Variants in MARCHF3 observed in about 807,000 individuals in gnomAD.
MARCHF3 encodes E3 ubiquitin-protein ligase MARCHF3.
Under a neutral mutation model 24.2 loss-of-function variants are expected in MARCHF3, and 13 were observed. The observed-to-expected ratio is 0.54, with a 90% CI of 0.35 to 0.85. The LOEUF (loss-of-function observed/expected upper bound fraction) is 0.85. Among genes scored for constraint, MARCHF3 ranks in the 40% least tolerant of loss-of-function variants. MARCHF3 has a pLI of 0.01. For missense variants in MARCHF3, 276 were observed against 325.0 expected (o/e 0.85, Z 1.16); for synonymous variants, 144 against 137.3 (o/e 1.05, Z -0.34).
intron 1 of MARCHF3, among the ~76,000 whole-genome samples, chr5:126,928,081 T>G (rs1170119510): frequency 6.6e-6 from 1 of 152,194 alleles, no homozygotes; most frequent in African/African-American, 2.4e-5. Context: ...TCTAAGTACT[T>G]AATAAATACA....
intron 1 of MARCHF3, among the ~76,000 whole-genome samples, chr5:126,959,690 A>G (rs1750574658): frequency 6.6e-6 from 1 of 152,082 alleles, no homozygotes; most frequent in Non-Finnish European, 1.5e-5. Flanking sequence ...TATCTTAGCA[A>G]TTTTTTCCTG....
chr5:126,898,878 T>C (rs1190380291), intron 3 of MARCHF3: 26 of 982,800 alleles, frequency 2.6e-5, no homozygotes, highest in Non-Finnish European at 2.4e-5. Flanking sequence ...AAACATTTCA[T>C]TTTCTTCTTG....
chr5:126,981,734 C>G (rs1365015450), intron 1 of MARCHF3, among the ~76,000 whole-genome samples: 4 of 152,280 alleles, frequency 2.6e-5, no homozygotes, highest in Middle Eastern at 3.4e-3. Context: ...TTTTCTTAAA[C>G]AACAAAGGAA....
At chr5:126,972,044 C>T (rs1354540114) in intron 1 of MARCHF3, among the ~76,000 whole-genome samples, 1 of 152,146 alleles carries the variant, frequency 6.6e-6, no homozygotes. Context: ...AACTGCCAGA[C>T]TCCCTGGCTC....
At chr5:126,883,904 G>T (rs1336190869) in intron 3 of MARCHF3, among the ~76,000 whole-genome samples, 3 of 152,110 alleles carry the variant, frequency 2.0e-5, no homozygotes, top group African/African-American at 7.2e-5. Context: ...ACCATCACAA[G>T]AATGAAAGAA....
intron 3 of MARCHF3, among the ~76,000 whole-genome samples, chr5:126,891,911 C>T (rs1312304783): frequency 2.1e-5 from 3 of 143,018 alleles, no homozygotes; most frequent in African/African-American, 7.9e-5. Context: ...TTGATTCTTC[C>T]TACCCATGAG....
chr5:126,931,097 G>C (rs1245763846), intron 1 of MARCHF3, among the ~76,000 whole-genome samples: 1 of 152,230 alleles, frequency 6.6e-6, no homozygotes, highest in Non-Finnish European at 1.5e-5. Flanking sequence ...AACAAATAAT[G>C]TAGGGGTGGA....
intron 1 of MARCHF3, among the ~76,000 whole-genome samples, chr5:127,019,095 T>C (rs73787409): frequency 0.031 from 4,734 of 152,340 alleles, 229 homozygotes; most frequent in African/African-American, 0.1. Flanking sequence ...CATACACTTA[T>C]TTAGTACAAA....
intron 3 of MARCHF3, among the ~76,000 whole-genome samples, chr5:126,905,984 C>T (rs1754279058): frequency 3.3e-5 from 5 of 150,218 alleles, no homozygotes; most frequent in Admixed American, 2.0e-4. Context: ...TTTTGAGATA[C>T]GTCCCATCAA....
At chr5:126,954,743 A>C (rs1750383158) in intron 1 of MARCHF3, among the ~76,000 whole-genome samples, 1 of 151,430 alleles carries the variant, frequency 6.6e-6, no homozygotes, top group East Asian at 1.9e-4. Context: ...TCAGAATTTT[A>C]AAAAAAGTTT....
intron 1 of MARCHF3, among the ~76,000 whole-genome samples, chr5:127,008,288 G>C (rs1018587847): frequency 6.6e-6 from 1 of 152,126 alleles, no homozygotes; most frequent in African/African-American, 2.4e-5. Flanking sequence ...TTGTTTGATT[G>C]CTCGAAGAAC....
At position 127,009,190 on chromosome 5, in the gene MARCHF3, T is replaced by G. The variant is rs116653568; in HGVS notation, c.-57+21160A>C. Reference sequence around the variant, plus strand: ...CCCAATTCCTTTCAGGGGTTAAGCATTCTCGTAACCAGAATCCTTCCCAAA... The same window carrying G: ...CCCAATTCCTTTCAGGGGTTAAGCAGTCTCGTAACCAGAATCCTTCCCAAA... On this transcript the variant is annotated intron_variant, in intron 1 of 4. Transcript: ENST00000308660. Among the ~76,000 whole-genome samples the G allele has an allele frequency of 5.5e-3, 839 of 152,308 alleles. 10 individuals are homozygous for G. The highest frequency in any genetic ancestry group is 0.01 in the Non-Finnish European group (698 of 68,018).
chr5:126,897,688 T>C (rs1753968122), intron 3 of MARCHF3, among the ~76,000 whole-genome samples: 1 of 152,050 alleles, frequency 6.6e-6, no homozygotes, highest in Non-Finnish European at 1.5e-5. Context: ...GAAGAAACCA[T>C]TGACGCCTCT....
intron 1 of MARCHF3, among the ~76,000 whole-genome samples, chr5:126,944,945 A>G (rs1749959270): frequency 6.6e-6 from 1 of 152,184 alleles, no homozygotes; most frequent in Non-Finnish European, 1.5e-5. Flanking sequence ...AGTCATTCTT[A>G]AAAAGCAATA....
chr5:126,989,984 A>G (rs1244548249), intron 1 of MARCHF3, among the ~76,000 whole-genome samples: 2 of 152,076 alleles, frequency 1.3e-5, no homozygotes, highest in South Asian at 4.1e-4. Context: ...ATTAATTTAT[A>G]AATTCAATGC....
At chr5:126,989,830 A>G (rs1751692870) in intron 1 of MARCHF3, among the ~76,000 whole-genome samples, 1 of 152,164 alleles carries the variant, frequency 6.6e-6, no homozygotes, top group African/African-American at 2.4e-5. Context: ...GCTTTTATTG[A>G]AAATGAAATC....
At chr5:126,874,681 A>T (rs1580587668) in intron 4 of MARCHF3, among the ~76,000 whole-genome samples, 1 of 151,706 alleles carries the variant, frequency 6.6e-6, no homozygotes, top group Admixed American at 6.6e-5. Flanking sequence ...TGACTTAGGG[A>T]TATCGATGGG....
chr5:127,002,067 T>A (rs1241961327), intron 1 of MARCHF3, among the ~76,000 whole-genome samples: 1 of 152,142 alleles, frequency 6.6e-6, no homozygotes, highest in African/African-American at 2.4e-5. Context: ...AGACCAAGGA[T>A]GAACTGAGTA....
At chr5:126,992,376 C>A (rs983195927) in intron 1 of MARCHF3, among the ~76,000 whole-genome samples, 1 of 152,170 alleles carries the variant, frequency 6.6e-6, no homozygotes, top group African/African-American at 2.4e-5. Flanking sequence ...AGGCTCAGGG[C>A]AAGATAATTT....
Sources: allele counts gnomAD v4.1 joint callset (sites outside exome capture counted in the v4.1 genomes callset), GRCh38; gene constraint gnomAD v4.1.1; transcripts MANE v1.5; gene names NCBI Gene and HGNC (gene_info 2026-07-23, HGNC 2026-07-21).